MTFR1: variants seen among roughly 807,000 people sequenced by gnomAD.
The protein encoded by MTFR1 is mitochondrial fission regulator 1, also known as chondrocyte protein with a poly-proline region.
A neutral mutation model predicts 38.8 loss-of-function variants in MTFR1; 28 were observed. The observed-to-expected ratio is 0.72, with a 90% CI of 0.53 to 0.99. MTFR1 has a LOEUF of 0.99. Ranked by LOEUF, MTFR1 falls within the 50% of genes least tolerant of loss-of-function variation. MTFR1 has a pLI of 0.00. For synonymous variants in MTFR1, 145 were observed against 137.0 expected, an observed-to-expected ratio of 1.06 and a Z score of -0.41; for missense variants, 358 against 395.5, an observed-to-expected ratio of 0.91 and a Z score of 0.81.
At chr8:65,708,250 T>A (rs1293027047) in intron 7 of MTFR1, 8 of 802,230 alleles carry the variant, frequency 1.0e-5, no homozygotes, top group Non-Finnish European at 1.3e-5. Context: ...TTTGGAAATT[T>A]GAAACTTGTA....
intron 3 of MTFR1, chr8:65,727,033 A>G: frequency 1.4e-5 from 14 of 989,924 alleles, no homozygotes; most frequent in Non-Finnish European, 1.9e-5. Flanking sequence ...ATTACTAACA[A>G]TACTGTTAGC....
chr8:65,692,386 G>A (rs1805305847), intron 3 of MTFR1, among the ~76,000 whole-genome samples: 1 of 152,100 alleles, frequency 6.6e-6, no homozygotes, highest in Admixed American at 6.6e-5. Context: ...CACCCAGGCT[G>A]GAGTGCAGTG....
At chr8:65,690,319 G>A (rs564911835) in intron 3 of MTFR1, among the ~76,000 whole-genome samples, 7 of 152,076 alleles carry the variant, frequency 4.6e-5, no homozygotes, top group South Asian at 4.2e-4. Flanking sequence ...TGGAACCCCC[G>A]AGCCCAGGAA....
the MTFR1 span, among the ~76,000 whole-genome samples, chr8:65,777,265 G>A: frequency 6.6e-6 from 1 of 152,050 alleles, no homozygotes; most frequent in African/African-American, 2.4e-5. Context: ...TTTTAGTAGA[G>A]ACGGGGTTTC....
Position 65,707,870 on chromosome 8 carries a change from A to G in MTFR1, c.792A>G (p.Pro264=). ...CAGAGCAAGATGTGAAGCCCAAGCC[A>G]GTGGATGCTACTGACCCTGCTGCCC... ...KRSEQDVKPK[P]VDATDPAALI... is the part of the protein sequence containing the mutation. Residue 264 remains proline, a synonymous_variant, in exon 7 of 8, where the codon CCA becomes CCG. Transcript: ENST00000262146. 1.2e-6 allele frequency: 2 copies of G among 1,614,168 alleles called. No individual in the cohort carries two copies. Among genetic ancestry groups the G allele is most frequent in the Non-Finnish European group, 8.5e-7 (1 of 1,180,008 alleles).
chr8:65,655,775 C>T (rs1354765556), intron 1 of MTFR1, among the ~76,000 whole-genome samples: 1 of 150,692 alleles, frequency 6.6e-6, no homozygotes. Context: ...CATTGTGAAA[C>T]CCTGTCTTTA....
intron 3 of MTFR1, among the ~76,000 whole-genome samples, chr8:65,764,437 T>C (rs1027965532): frequency 1.3e-5 from 2 of 152,172 alleles, no homozygotes; most frequent in African/African-American, 4.8e-5. Context: ...ACCAAACAGA[T>C]AATGGTTGGA....
In MTFR1 at chr8:65,738,287, A is replaced by G. The variant is rs192974949; in HGVS notation, c.*48+18806A>G. On this transcript the variant is annotated intron_variant, in intron 3 of 3. Coordinates refer to the MTFR1 transcript ENST00000521247. ...ATTGTATATAACCAAATAAATTACA[A>G]ATTAAGCTATCTCTTGATCTGGGCA... Among the ~76,000 whole-genome samples, 62 of 152,320 alleles carry G rather than the reference A, an allele frequency of 4.1e-4. No homozygotes were observed. The Middle Eastern group carries it at 0.017, about 42-fold the overall frequency.
Position 65,693,749 on chromosome 8 carries a change from G to A in MTFR1, c.271G>A (p.Ala91Thr). The change falls in exon 4 of 8, where the codon GCA becomes ACA. Residue 91 changes from alanine to threonine, a missense_variant. Ala to Thr is a moderately conservative substitution (Grantham distance 58, BLOSUM62 0). Transcript: ENST00000262146. ...WVAKEEGECS[A>T]RLRTEVRSRP... ...AGCCAAAGAAGAAGGAGAGTGTTCA[G>A]CAAGACTAAGGTTAGTTTGGAAGGC... is the stretch of plus-strand genomic sequence containing the variant. 4 of 1,613,532 alleles carry A rather than the reference G, an allele frequency of 2.5e-6. No individual in the cohort carries two copies. The highest frequency in any genetic ancestry group is 3.4e-6 in the Non-Finnish European group (4 of 1,179,462).
chr8:65,770,416 C>T (rs1563499777), intron 3 of MTFR1, among the ~76,000 whole-genome samples: 1 of 152,156 alleles, frequency 6.6e-6, no homozygotes, highest in Non-Finnish European at 1.5e-5. Flanking sequence ...AAAGGGAAAC[C>T]TCTTATAAAA....
chr8:65,733,341 T>C (rs1806982445), intron 3 of MTFR1, among the ~76,000 whole-genome samples: 1 of 152,204 alleles, frequency 6.6e-6, no homozygotes, highest in South Asian at 2.1e-4. Flanking sequence ...TTTTGTGTGC[T>C]GCAGAGAACT....
chr8:65,680,151 T>A (rs942248105), intron 2 of MTFR1, among the ~76,000 whole-genome samples: 7 of 151,246 alleles, frequency 4.6e-5, no homozygotes, highest in Non-Finnish European at 1.0e-4. Flanking sequence ...TTCCACTTTG[T>A]TGGTTTTTTT....
At chr8:65,680,954 G>A (rs1403731744) in intron 2 of MTFR1, among the ~76,000 whole-genome samples, 3 of 133,840 alleles carry the variant, frequency 2.2e-5, no homozygotes, top group Admixed American at 8.5e-5. Flanking sequence ...CGCCCAGGCC[G>A]GACTGCGGAC....
rs546728576 is a variant in MTFR1 at position 65,696,957 on chromosome 8, G to T, written c.281+3198G>T. Among the ~76,000 whole-genome samples, 5 of 144,474 alleles carry T rather than the reference G, an allele frequency of 3.5e-5. No homozygotes were observed. In the East Asian group the frequency reaches 1.0e-3, roughly 30 times the overall value. 94.8% of individuals were successfully genotyped at this position (144,474 alleles called of 152,430 possible). On this transcript the variant is annotated intron_variant, in intron 4 of 7. Transcript: ENST00000262146. ...ATTACAAGTGTGAGCCACCGTGCCT[G>T]GCCAATATGTAACCTTTTGGGACTG...
intron 5 of MTFR1, among the ~76,000 whole-genome samples, chr8:65,705,601 A>C (rs1223994786): frequency 6.6e-6 from 1 of 152,138 alleles, no homozygotes; most frequent in Non-Finnish European, 1.5e-5. Flanking sequence ...TACTTGGTGA[A>C]AGGAGCCTGG....
At chr8:65,696,815 C>T (rs1805456449) in intron 4 of MTFR1, among the ~76,000 whole-genome samples, 1 of 151,504 alleles carries the variant, frequency 6.6e-6, no homozygotes, top group Non-Finnish European at 1.5e-5. Context: ...TATGTGCCAC[C>T]ATACCTGCCT....
chr8:65,691,794 C>T lies in MTFR1; in HGVS notation c.166-1850C>T, dbSNP rs531478349. Among the ~76,000 whole-genome samples the T allele has an allele frequency of 7.2e-5, 11 of 152,164 alleles. No homozygotes were observed. In the South Asian group the frequency reaches 1.0e-3, roughly 14 times the overall value. On this transcript the variant is annotated intron_variant, in intron 3 of 7. Coordinates refer to ENST00000262146, the MANE Select transcript of MTFR1 (RefSeq NM_014637.4). ...CCACCCTAGTGGCTCGGGTTACAGGCGCCTGCCACCACGCCCAGCCCTTAA... is the reference window on the plus strand; with the variant it reads ...CCACCCTAGTGGCTCGGGTTACAGGTGCCTGCCACCACGCCCAGCCCTTAA...
At chr8:65,699,900 T>TC (rs1563455232) in intron 4 of MTFR1, among the ~76,000 whole-genome samples, 1 of 152,224 alleles carries the variant, frequency 6.6e-6, no homozygotes, top group Non-Finnish European at 1.5e-5. Flanking sequence ...ATATATTTCT[T>TC]CCTTGAAATT....
At chr8:65,719,751 C>A in intron 3 of MTFR1, 1 of 462,528 alleles carries the variant, frequency 2.2e-6, no homozygotes. Context: ...TTCTGGTTAT[C>A]CTTCTCAGTG....
Sources: gnomAD v4.1 joint callset for allele counts (sites outside exome capture counted in the v4.1 genomes callset) on GRCh38, gnomAD v4.1.1 for gene constraint, MANE v1.5 for transcripts, NCBI Gene and HGNC (gene_info 2026-07-23, HGNC 2026-07-21) for gene names.